OSBPL10: variants seen among roughly 807,000 people sequenced by gnomAD.
OSBPL10 encodes the protein oxysterol-binding protein-related protein 10.
In OSBPL10, 49 loss-of-function variants were observed where a neutral mutation model predicts 81.7. The ratio of observed to expected loss-of-function variants is 0.60; its 90% CI spans 0.48 to 0.76. OSBPL10 has a LOEUF of 0.76. Ranked by LOEUF, OSBPL10 falls within the 30% of genes least tolerant of loss-of-function variation. OSBPL10 has a pLI of 0.00. For synonymous variants in OSBPL10, 419 were observed against 383.6 expected (o/e 1.09, Z -1.08); for missense variants, 923 against 987.8 (o/e 0.93, Z 0.88).
chr3:32,019,778 T>C (rs545152631), intron 2 of OSBPL10, among the ~76,000 whole-genome samples: 1 of 152,374 alleles, frequency 6.6e-6, no homozygotes, highest in Admixed American at 6.5e-5. Context: ...CAGTCTTTCA[T>C]TGTGTTATCT....
chr3:31,759,926 A>AT (rs772227492), intron 4 of OSBPL10, among the ~76,000 whole-genome samples: 53 of 151,848 alleles, frequency 3.5e-4, no homozygotes, highest in African/African-American at 9.0e-4. Flanking sequence ...CACCTGGCTA[A>AT]TTTTTTTGTA....
intron 1 of OSBPL10, among the ~76,000 whole-genome samples, chr3:31,950,034 T>C (rs1697825048): frequency 6.6e-6 from 1 of 152,146 alleles, no homozygotes; most frequent in Non-Finnish European, 1.5e-5. Context: ...AGGCTTGTAT[T>C]AGCTTCCAGG....
intron 2 of OSBPL10, among the ~76,000 whole-genome samples, chr3:32,031,415 AT>A (rs1699466454): frequency 6.6e-6 from 1 of 151,846 alleles, no homozygotes. Context: ...TTGCAACAAT[AT>A]TTTTAGATTC....
intron 8 of OSBPL10, among the ~76,000 whole-genome samples, chr3:31,674,707 C>A (rs1209732921): frequency 6.6e-6 from 1 of 152,222 alleles, no homozygotes; most frequent in African/African-American, 2.4e-5. Context: ...CCTTCCTCTT[C>A]CACCACGAGT....
At chr3:31,951,594 A>G (rs1697870448) in intron 1 of OSBPL10, among the ~76,000 whole-genome samples, 1 of 151,748 alleles carries the variant, frequency 6.6e-6, no homozygotes, top group African/African-American at 2.4e-5. Flanking sequence ...ATATGATTGC[A>G]TATATTCTTT....
intron 4 of OSBPL10, among the ~76,000 whole-genome samples, chr3:31,824,820 A>C (rs374119671): frequency 6.6e-6 from 1 of 152,174 alleles, no homozygotes; most frequent in Non-Finnish European, 1.5e-5. Context: ...CGGGTATATC[A>C]TCCCATCTCA....
At chr3:31,668,188 A>C (rs2125506492) in intron 10 of OSBPL10, among the ~76,000 whole-genome samples, 1 of 152,312 alleles carries the variant, frequency 6.6e-6, no homozygotes, top group East Asian at 1.9e-4. Context: ...ATGCAGCTAA[A>C]CTGCACACAC....
intron 2 of OSBPL10, chr3:31,989,638 T>C (rs772610191): frequency 6.2e-7 from 1 of 1,614,172 alleles, no homozygotes; most frequent in Non-Finnish European, 8.5e-7. Context: ...CAACGATGCT[T>C]CCTCAGTTCT....
intron 2 of OSBPL10, among the ~76,000 whole-genome samples, chr3:31,994,636 G>A (rs952685127): frequency 3.3e-5 from 5 of 152,176 alleles, no homozygotes; most frequent in Non-Finnish European, 7.3e-5. Context: ...CCTTCTTCAA[G>A]TGACAGTAAT....
At chr3:31,702,605 C>A in intron 6 of OSBPL10, 97 bp from the exon 7 acceptor site, 2 of 1,505,336 alleles carry the variant, frequency 1.3e-6, no homozygotes, top group South Asian at 1.2e-5. Context: ...AGAAGAAACC[C>A]AATCCTGTCC....
rs533182144 is a variant in OSBPL10 at position 31,868,491 on chromosome 3, A to T, written c.537+7942T>A. On this transcript the variant is annotated intron_variant, in intron 3 of 11. Coordinates refer to ENST00000396556, the MANE Select transcript of OSBPL10 (RefSeq NM_017784.5). ...AGCGCTACTTGAGGAAGTGATAAGC[A>T]TCACTGTCTGTCACACATTTATCCT... is the stretch of plus-strand genomic sequence containing the variant. Among the ~76,000 whole-genome samples the T allele has an allele frequency of 3.9e-5, 6 of 152,142 alleles. 1 individual carries two copies. The highest frequency in any genetic ancestry group is 3.3e-4 in the Admixed American group (5 of 15,270).
intron 2 of OSBPL10, chr3:31,988,784 C>T: frequency 2.3e-6 from 1 of 434,576 alleles, no homozygotes. Context: ...TTTTCTGAGA[C>T]CTGCTAACAG....
chr3:31,711,420 C>A (rs1696248471), intron 6 of OSBPL10, among the ~76,000 whole-genome samples: 1 of 152,188 alleles, frequency 6.6e-6, no homozygotes, highest in Admixed American at 6.5e-5. Context: ...TGTCAGCTTA[C>A]CTTAATCGGA....
chr3:32,059,524 G>A (rs1040832365), intron 1 of OSBPL10, among the ~76,000 whole-genome samples: 3 of 152,046 alleles, frequency 2.0e-5, no homozygotes, highest in Non-Finnish European at 4.4e-5. Flanking sequence ...CCGGGAGGTG[G>A]AGGTTGCAGT....
chr3:31,692,306 T>C (rs906555535), intron 7 of OSBPL10, among the ~76,000 whole-genome samples: 2 of 152,170 alleles, frequency 1.3e-5, no homozygotes, highest in African/African-American at 4.8e-5. Flanking sequence ...TCTAGGCTGA[T>C]TGTGAGTATT....
intron 1 of OSBPL10, among the ~76,000 whole-genome samples, chr3:32,059,919 AG>A (rs1352047542): frequency 2.6e-5 from 4 of 152,002 alleles, no homozygotes; most frequent in African/African-American, 9.7e-5. Flanking sequence ...CTCAAAAGAA[AG>A]AAAAAAAACA....
intron 8 of OSBPL10, among the ~76,000 whole-genome samples, chr3:31,672,096 C>T (rs561332334): frequency 1.3e-5 from 2 of 152,154 alleles, no homozygotes; most frequent in Admixed American, 6.5e-5. Context: ...CCGGCACCTT[C>T]CTGGGCTTCC....
chr3:31,958,485 T>C (rs571176030), intron 1 of OSBPL10, among the ~76,000 whole-genome samples: 48 of 152,120 alleles, frequency 3.2e-4, no homozygotes, highest in African/African-American at 1.1e-3. Context: ...TTCACAGAGG[T>C]ACATATGCAG....
intron 3 of OSBPL10, among the ~76,000 whole-genome samples, chr3:31,874,138 G>A (rs1223377899): frequency 6.6e-6 from 1 of 150,698 alleles, no homozygotes; most frequent in African/African-American, 2.4e-5. Flanking sequence ...CTACCATTAG[G>A]AAGGCTTTAA....
Sources: gnomAD v4.1 joint callset for allele counts (sites outside exome capture counted in the v4.1 genomes callset) on GRCh38, gnomAD v4.1.1 for gene constraint, MANE v1.5 for transcripts, NCBI Gene and HGNC (gene_info 2026-07-23, HGNC 2026-07-21) for gene names.